ESR1: variants seen among roughly 807,000 people sequenced by gnomAD.
ESR1 encodes the protein estrogen receptor 1, also known as estrogen receptor.
A neutral mutation model predicts 52.7 loss-of-function variants in ESR1; 12 were observed. The observed-to-expected ratio is 0.23, with a 90% CI of 0.15 to 0.37. The LOEUF (loss-of-function observed/expected upper bound fraction) is 0.37, where lower values mean the gene tolerates loss of function less well. Among genes scored for constraint, ESR1 ranks in the 10% least tolerant of loss-of-function variants. The pLI is 1.00. For synonymous variants in ESR1, 305 were observed against 316.8 expected (o/e 0.96, Z 0.39); for missense variants, 584 against 779.7 (o/e 0.75, Z 2.99).
At chr6:152,122,658 G>C in intron 6 of ESR1, 4 of 1,613,950 alleles carry the variant, frequency 2.5e-6, no homozygotes, top group Non-Finnish European at 3.4e-6. Flanking sequence ...GGGAGGAATC[G>C]GAGCCACCTT....
chr6:151,681,104 C>T (rs1229108822), intron 1 of ESR1, among the ~76,000 whole-genome samples: 5 of 152,148 alleles, frequency 3.3e-5, no homozygotes, highest in African/African-American at 9.7e-5. Context: ...CCAGTTGGGG[C>T]CTTGGTTTGG....
At chr6:151,756,882 C>T (rs962106334) in intron 2 of ESR1, among the ~76,000 whole-genome samples, 4 of 151,940 alleles carry the variant, frequency 2.6e-5, no homozygotes, top group Admixed American at 6.6e-5. Flanking sequence ...CCCAGCTACT[C>T]GGGAGGCTGA....
chr6:151,933,215 A>T (rs2033914036), intron 3 of ESR1, among the ~76,000 whole-genome samples: 1 of 149,780 alleles, frequency 6.7e-6, no homozygotes, highest in African/African-American at 2.4e-5. Context: ...TCTTTGAAGC[A>T]ATTGTGAATG....
chr6:152,037,868 G>A (rs1322801697), intron 5 of ESR1, among the ~76,000 whole-genome samples: 1 of 152,100 alleles, frequency 6.6e-6, no homozygotes, highest in Non-Finnish European at 1.5e-5. Context: ...ATTTATTGTT[G>A]ATAAATAATA....
At chr6:152,052,873 G>A (rs558662728) in intron 5 of ESR1, among the ~76,000 whole-genome samples, 2 of 152,264 alleles carry the variant, frequency 1.3e-5, no homozygotes, top group South Asian at 4.1e-4. Context: ...AAGGTGGGCA[G>A]TAAGAAATGG....
chr6:151,839,540 C>G (rs2128228285), intron 1 of ESR1, among the ~76,000 whole-genome samples: 1 of 152,246 alleles, frequency 6.6e-6, no homozygotes, highest in Admixed American at 6.5e-5. Flanking sequence ...TATTTGTATA[C>G]TCATAGTTAT....
chr6:151,985,385 G>A (rs927042119), intron 4 of ESR1, among the ~76,000 whole-genome samples: 1 of 151,606 alleles, frequency 6.6e-6, no homozygotes, highest in Non-Finnish European at 1.5e-5. Flanking sequence ...GCATGTGCCT[G>A]TAATCCCAGC....
rs150547091 is a variant in ESR1, at chr6:152,098,933, G to C, written c.1755G>C (p.Thr585=). The C allele has an allele frequency of 1.9e-6, 3 of 1,614,138 alleles. No individual in the cohort carries two copies. In the South Asian group the frequency reaches 3.3e-5, roughly 18 times the overall value. The change falls in exon 8 of 8, where the codon ACG becomes ACC. Residue 585 remains threonine (T), a synonymous_variant. Transcript: ENST00000206249. This position sits in a 1 kb window ranked among gnomAD's most constrained non-coding sequence, Gnocchi z 5.1. ...SSHSLQKYYI[T]GEAEGFPATV Reference sequence around the variant, plus strand: ...ATTCCTTGCAAAAGTATTACATCACGGGGGAGGCAGAGGGTTTCCCTGCCA... The same window carrying C: ...ATTCCTTGCAAAAGTATTACATCACCGGGGAGGCAGAGGGTTTCCCTGCCA...
At chr6:151,879,205 A>C (rs1042796565) in intron 2 of ESR1, among the ~76,000 whole-genome samples, 2 of 152,216 alleles carry the variant, frequency 1.3e-5, no homozygotes, top group East Asian at 3.8e-4. Context: ...TATGGAAGCC[A>C]AGGGAAAAAG....
At chr6:151,769,875 A>C (rs1785366320) in intron 2 of ESR1, among the ~76,000 whole-genome samples, 1 of 152,184 alleles carries the variant, frequency 6.6e-6, no homozygotes, top group African/African-American at 2.4e-5. Context: ...GTTTTAAATA[A>C]AAGTTAGCCA....
intron 6 of ESR1, among the ~76,000 whole-genome samples, chr6:152,073,800 G>A (rs1184238168): frequency 6.6e-6 from 1 of 152,172 alleles, no homozygotes; most frequent in Non-Finnish European, 1.5e-5. Flanking sequence ...CCAGGCTAGC[G>A]GCCCCGCCTC....
chr6:151,825,435 A>T (rs1781316702), intron 1 of ESR1, among the ~76,000 whole-genome samples: 1 of 152,212 alleles, frequency 6.6e-6, no homozygotes, highest in Admixed American at 6.5e-5. Context: ...CAGATAACTA[A>T]CTGTACTTGT....
At chr6:152,045,288 C>T (rs1047408770) in intron 5 of ESR1, among the ~76,000 whole-genome samples, 6 of 152,170 alleles carry the variant, frequency 3.9e-5, no homozygotes, top group South Asian at 2.1e-4. Flanking sequence ...GGACTGGCAC[C>T]GTGCACTTGG....
intron 2 of ESR1, among the ~76,000 whole-genome samples, chr6:151,744,029 T>G (rs1337811679): frequency 1.3e-5 from 2 of 152,202 alleles, no homozygotes; most frequent in African/African-American, 4.8e-5. Flanking sequence ...ACTGACTTCT[T>G]TTACTTAGCA....
intron 4 of ESR1, among the ~76,000 whole-genome samples, chr6:151,955,205 T>G (rs1227182409): frequency 6.6e-6 from 1 of 152,208 alleles, no homozygotes; most frequent in Non-Finnish European, 1.5e-5. Flanking sequence ...ATTGCCCAGT[T>G]AAGTAATTTC....
chr6:152,010,813 GA>G (rs775202880), intron 4 of ESR1, among the ~76,000 whole-genome samples: 26 of 151,982 alleles, frequency 1.7e-4, no homozygotes, highest in Non-Finnish European at 3.7e-4. Context: ...TTGTGTACAA[GA>G]AACATTAGGA....
rs1562507781 is a variant in ESR1, at chr6:151,880,913, C to A, written c.760+142C>A. 3 of 641,598 alleles carry A rather than the reference C, an allele frequency of 4.7e-6. No homozygotes were observed. In the Admixed American group the frequency reaches 8.3e-5, roughly 18 times the overall value. The allele number at this position is 641,598 out of a possible 1,614,324, so 39.7% of individuals were successfully genotyped here. A position where few individuals can be genotyped will look rare whatever the true frequency, so the allele number is the denominator to read the frequency against. ...TTTCTATTCTTATTTTTCTTTGCAA[C>A]AAAAGTATTTTCATAATCCATTTTA... On this transcript the variant is annotated intron_variant, in intron 3 of 7. Transcript: ENST00000206249.
At position 152,103,262 on chromosome 6, in the gene ESR1, G is replaced by A. The variant is rs988248571; in HGVS notation, c.*4296G>A. On this transcript the variant is annotated 3_prime_UTR_variant, in exon 8 of 8. Transcript: ENST00000206249. ...TCAACCTATTTGATGTTCAAATAAA[G>A]AATTAAACTAAAGACAACGAGTTTG... 1.1e-5 allele frequency: 2 copies of A among 180,216 alleles called. No homozygotes were observed. The highest frequency in any genetic ancestry group is 6.3e-5 in the Admixed American group (1 of 15,864). 11.2% of individuals were successfully genotyped at this position (180,216 alleles called of 1,614,324 possible).
At chr6:151,933,382 C>T (rs1333468686) in intron 3 of ESR1, among the ~76,000 whole-genome samples, 1 of 151,110 alleles carries the variant, frequency 6.6e-6, no homozygotes, top group Non-Finnish European at 1.5e-5. Flanking sequence ...TCTAGATATA[C>T]AATCATGTCG....
Sources: gnomAD v4.1 joint callset for allele counts (sites outside exome capture counted in the v4.1 genomes callset) on GRCh38, gnomAD v4.1.1 for gene constraint, Gnocchi (gnomAD v3.1) non-coding constraint, MANE v1.5 for transcripts, NCBI Gene and HGNC (gene_info 2026-07-23, HGNC 2026-07-21) for gene names.